CCPG1: variants seen among roughly 807,000 people sequenced by gnomAD.
CCPG1 encodes the protein cell cycle progression protein 1.
A neutral mutation model predicts 81.3 loss-of-function variants in CCPG1; 46 were observed. That is an observed-to-expected ratio of 0.57 (90% confidence interval 0.45 to 0.72). CCPG1 has a LOEUF of 0.72. Among genes scored for constraint, CCPG1 ranks in the 30% least tolerant of loss-of-function variants. The pLI, the probability that CCPG1 is intolerant of heterozygous loss-of-function variation, is 0.00. For missense variants in CCPG1, 902 were observed against 937.6 expected, an observed-to-expected ratio of 0.96 and a Z score of 0.50; for synonymous variants, 330 against 305.2, an observed-to-expected ratio of 1.08 and a Z score of -0.85.
chr15:55,392,461 C>T (rs2056940266), intron 1 of CCPG1, among the ~76,000 whole-genome samples: 1 of 151,744 alleles, frequency 6.6e-6, no homozygotes, highest in African/African-American at 2.4e-5. Flanking sequence ...TCATGATCCA[C>T]CCAACTCAGC....
intron 3 of CCPG1, among the ~76,000 whole-genome samples, chr15:55,384,973 C>T (rs747663142): frequency 6.4e-4 from 98 of 152,134 alleles, no homozygotes; most frequent in Non-Finnish European, 8.1e-4. Context: ...AACTACCAAA[C>T]AAATGACAAG....
At chr15:55,389,772 A>G (rs73406912) in intron 1 of CCPG1, among the ~76,000 whole-genome samples, 27,032 of 152,214 alleles carry the variant, frequency 0.18, 4,145 homozygotes, top group African/African-American at 0.42. Flanking sequence ...AGGCAGCAAC[A>G]GTAAAGGACT....
chr15:55,380,251 A>AT (rs59284001), intron 3 of CCPG1, among the ~76,000 whole-genome samples: 10 of 149,816 alleles, frequency 6.7e-5, no homozygotes, highest in Admixed American at 5.3e-4. Flanking sequence ...TTTGCTTACT[A>AT]TTTTTTTTTC....
At chr15:55,385,956 A>C (rs138981227) in intron 2 of CCPG1, among the ~76,000 whole-genome samples, 10 of 152,322 alleles carry the variant, frequency 6.6e-5, no homozygotes, top group Middle Eastern at 3.4e-3. Context: ...GGAATGCTCT[A>C]TTTTATGAGC....
At chr15:55,407,142 C>T (rs983477039) in intron 1 of CCPG1, among the ~76,000 whole-genome samples, 2 of 150,626 alleles carry the variant, frequency 1.3e-5, no homozygotes, top group Admixed American at 6.6e-5. Flanking sequence ...GCAGGAGAAT[C>T]GTTTGAAACT....
intron 1 of CCPG1, among the ~76,000 whole-genome samples, chr15:55,396,550 T>C (rs561286283): frequency 6.6e-6 from 1 of 152,340 alleles, no homozygotes; most frequent in Non-Finnish European, 1.5e-5. Flanking sequence ...CTCACAGAAT[T>C]GCAGTAGCCA....
At chr15:55,393,415 G>T (rs112737532) in intron 1 of CCPG1, among the ~76,000 whole-genome samples, 3,552 of 152,234 alleles carry the variant, frequency 0.023, 137 homozygotes, top group African/African-American at 0.081. Flanking sequence ...ACTCCAGCCT[G>T]GGTAACAGAG....
chr15:55,376,815 A>G, intron 5 of CCPG1, 134 bp downstream of exon 5: 1 of 652,300 alleles, frequency 1.5e-6, no homozygotes, highest in South Asian at 1.9e-5. Context: ...GATTTCACAC[A>G]CAAAAATAGT....
At chr15:55,383,347 T>C (rs1364047859) in intron 3 of CCPG1, among the ~76,000 whole-genome samples, 2 of 152,238 alleles carry the variant, frequency 1.3e-5, no homozygotes, top group African/African-American at 4.8e-5. Context: ...CTAGGCTTTG[T>C]TGTTCCATTT....
intron 7 of CCPG1, among the ~76,000 whole-genome samples, chr15:55,364,202 C>T (rs1303063396): frequency 6.6e-6 from 1 of 150,462 alleles, no homozygotes; most frequent in Admixed American, 6.6e-5. Flanking sequence ...CCTCATAAAC[C>T]CACAGAGGTG....
intron 7 of CCPG1, among the ~76,000 whole-genome samples, chr15:55,364,412 A>C (rs1424899800): frequency 6.6e-6 from 1 of 150,526 alleles, no homozygotes; most frequent in Non-Finnish European, 1.5e-5. Context: ...CCAACTGAAA[A>C]TGTTTGCTTC....
intron 8 of CCPG1, 124 bp downstream of exon 8, chr15:55,359,413 TCA>T (rs2056145496): frequency 6.9e-7 from 1 of 1,445,384 alleles, no homozygotes; most frequent in Non-Finnish European, 9.1e-7. Context: ...CTGAATTCTC[TCA>T]GTGGCCATAA....
intron 1 of CCPG1, among the ~76,000 whole-genome samples, chr15:55,401,612 G>A (rs190032070): frequency 2.5e-4 from 37 of 150,926 alleles, no homozygotes; most frequent in African/African-American, 8.7e-4. Flanking sequence ...GTTGCAGTGA[G>A]CCGAGACCAC....
At chr15:55,368,158 T>C (rs987603798) in intron 6 of CCPG1, among the ~76,000 whole-genome samples, 2 of 152,176 alleles carry the variant, frequency 1.3e-5, no homozygotes, top group African/African-American at 2.4e-5. Flanking sequence ...TTAGTACGTA[T>C]GGATTTTGGT....
intron 3 of CCPG1, among the ~76,000 whole-genome samples, chr15:55,380,495 C>A (rs931821831): frequency 4.6e-5 from 7 of 151,520 alleles, no homozygotes; most frequent in Non-Finnish European, 8.8e-5. Context: ...CGGGGTTTCA[C>A]CGTGTTAGCC....
intron 1 of CCPG1, among the ~76,000 whole-genome samples, chr15:55,407,566 C>T (rs1306490242): frequency 6.6e-6 from 1 of 152,134 alleles, no homozygotes; most frequent in African/African-American, 2.4e-5. Flanking sequence ...CCTTACTTGG[C>T]GCTCCCAATA....
chr15:55,383,738 G>C (rs1171287128), intron 3 of CCPG1, among the ~76,000 whole-genome samples: 1 of 152,170 alleles, frequency 6.6e-6, no homozygotes, highest in African/African-American at 2.4e-5. Flanking sequence ...ACCAACCTCA[G>C]CTAGCTTCCG....
intron 3 of CCPG1, among the ~76,000 whole-genome samples, chr15:55,378,962 A>T (rs1296812849): frequency 6.6e-6 from 1 of 151,826 alleles, no homozygotes; most frequent in Non-Finnish European, 1.5e-5. Flanking sequence ...TTACATTACC[A>T]AATTACTTGA....
At chr15:55,358,380 C>T (rs1041178466) in intron 8 of CCPG1, 2 of 985,256 alleles carry the variant, frequency 2.0e-6, no homozygotes, top group African/African-American at 3.5e-5. Context: ...ATCTAAAATA[C>T]AATATAATCT....
Sources: gnomAD v4.1 joint callset for allele counts (sites outside exome capture counted in the v4.1 genomes callset) on GRCh38, gnomAD v4.1.1 for gene constraint, MANE v1.5 for transcripts, NCBI Gene and HGNC (gene_info 2026-07-23, HGNC 2026-07-21) for gene names.